Variants in MYO1A observed in about 807,000 individuals in gnomAD.
MYO1A encodes the protein unconventional myosin-Ia.
A neutral mutation model predicts 138.5 loss-of-function variants in MYO1A; 127 were observed. The ratio of observed to expected loss-of-function variants is 0.92; its 90% CI spans 0.79 to 1.06. The LOEUF (loss-of-function observed/expected upper bound fraction) is 1.06. Among genes scored for constraint, MYO1A ranks in the 50% least tolerant of loss-of-function variants. The pLI is 0.00. For missense variants in MYO1A, 1,211 were observed against 1,288.8 expected, an observed-to-expected ratio of 0.94 and a Z score of 0.92; for synonymous variants, 477 against 497.5, an observed-to-expected ratio of 0.96 and a Z score of 0.55.
At chr12:57,037,473 T>C (rs2030612298) in intron 19 of MYO1A, 75 bp downstream of exon 19, 11 of 1,276,064 alleles carry the variant, frequency 8.6e-6, no homozygotes, top group South Asian at 1.2e-5. Context: ...ACACGCTCCC[T>C]CCCCCTCCAG....
upstream of MYO1A, chr12:57,051,107 T>G (rs2031318446): frequency 6.6e-6 from 1 of 152,254 alleles, no homozygotes; most frequent in Non-Finnish European, 1.5e-5. Context: ...CTCCCAGGCA[T>G]GCAGAAAGAA....
In MYO1A at chr12:57,028,805, G is replaced by A. The variant is rs2030105885; in HGVS notation, c.3082C>T (p.Leu1028=). ...TGACTCCCCTTTTTTTTGTAGCGTA[G>A]CTTGCTGTTGTCACCACCTGCAGGG... ...QGPAGGDNSK[L]RYKKKGSHCL... is the part of the protein sequence containing the mutation. The change falls in exon 28 of 28, where the codon CTA becomes TTA. Residue 1028 remains leucine, a synonymous_variant. Transcript: ENST00000300119. 1.9e-6 allele frequency: 3 copies of A among 1,613,948 alleles called. No individual in the cohort carries two copies. The highest frequency in any genetic ancestry group is 1.7e-6 in the Non-Finnish European group (2 of 1,179,942).
intron 21 of MYO1A, 144 bp downstream of exon 21, chr12:57,036,628 C>T (rs1592473656): frequency 9.1e-7 from 1 of 1,095,008 alleles, no homozygotes. Flanking sequence ...CTCTCACTCC[C>T]AGACACCCAC....
At chr12:57,038,729 C>T in intron 16 of MYO1A, 80 bp downstream of exon 16, 1 of 1,609,206 alleles carries the variant, frequency 6.2e-7, no homozygotes, top group Non-Finnish European at 8.5e-7. Context: ...TCCAGACTCT[C>T]ACCTTCCCCG....
At chr12:57,041,092 G>A (rs2030835476) in intron 14 of MYO1A, 92 bp downstream of exon 14, 6 of 918,304 alleles carry the variant, frequency 6.5e-6, no homozygotes, top group East Asian at 4.8e-5. Context: ...ATCTGGGGAC[G>A]ATGTAGAGGA....
intron 22 of MYO1A, among the ~76,000 whole-genome samples, chr12:57,035,761 T>C (rs1037422231): frequency 1.3e-5 from 2 of 152,230 alleles, no homozygotes; most frequent in African/African-American, 4.8e-5. Context: ...TTTGAATATG[T>C]AGGCCTTCCA....
rs556978717 is a variant in MYO1A at position 57,042,946 on chromosome 12, A to G, written c.1098+126T>C. 5 of 867,246 alleles carry G rather than the reference A, an allele frequency of 5.8e-6. No homozygotes were observed. The South Asian group carries it at 7.0e-5, about 12-fold the overall frequency. The allele number at this position is 867,246 out of a possible 1,614,324, so 53.7% of individuals were successfully genotyped here. A position where few individuals can be genotyped will look rare whatever the true frequency, so the allele number is the denominator to read the frequency against. ...GTTTCCATGACAACACACTGTTAGA[A>G]GGAACTGTACCCTCCCCATCATCCT... On this transcript the variant is annotated intron_variant, in intron 12 of 27. Transcript: ENST00000300119.
intron 14 of MYO1A, among the ~76,000 whole-genome samples, chr12:57,039,751 C>G (rs2030773485): frequency 6.6e-6 from 1 of 152,186 alleles, no homozygotes; most frequent in Non-Finnish European, 1.5e-5. Flanking sequence ...GAGTGTGCAG[C>G]ACAACCACCT....
rs1178955692 is a variant in MYO1A at position 57,043,219 on chromosome 12, C to A, written c.1011+21G>T. 1.9e-6 allele frequency: 3 copies of A among 1,613,686 alleles called. No homozygotes were observed. The African/African-American group carries it at 4.0e-5, about 22-fold the overall frequency. ...CAGAACAGGGTCGAAACAGCCCCCT[C>A]CACTCCAGTGAGCTCCTTACCTGCA... On this transcript the variant is annotated intron_variant, in intron 11 of 27. Coordinates refer to ENST00000300119, the MANE Select transcript of MYO1A (RefSeq NM_005379.4).
At chr12:57,050,790 A>G (rs17119390), upstream of MYO1A, 13,750 of 152,208 alleles carry the variant, frequency 0.09, 656 homozygotes, top group East Asian at 0.18. Flanking sequence ...CACCACCCCG[A>G]GGAAGGCAAT....
upstream of MYO1A, chr12:57,050,675 C>T (rs1430992345): frequency 6.6e-6 from 1 of 152,138 alleles, no homozygotes; most frequent in Non-Finnish European, 1.5e-5. Flanking sequence ...TGAATCAGAC[C>T]CTATCATAGA....
intron 10 of MYO1A, 96 bp downstream of exon 10, chr12:57,043,760 G>T: frequency 1.3e-6 from 2 of 1,533,504 alleles, no homozygotes; most frequent in Non-Finnish European, 1.8e-6. Context: ...GACTGCATCA[G>T]GGTGAGATCA....
chr12:57,047,001 A>G, intron 6 of MYO1A, 60 bp downstream of exon 6: 2 of 1,611,074 alleles, frequency 1.2e-6, no homozygotes, highest in South Asian at 1.1e-5. Flanking sequence ...GGTCTGTGCC[A>G]CATTCCTCCC....
chr12:57,036,736 A>G lies in MYO1A; in HGVS notation c.2274+36T>C, dbSNP rs372794654. On this transcript the variant is annotated intron_variant, in intron 21 of 27. Transcript: ENST00000300119. Reference sequence around the variant, plus strand: ...CAGCAGGTGACACAATCCAGGAGAAACAATGTGAGGAAACCTCTCTTCCAC... The same window carrying G: ...CAGCAGGTGACACAATCCAGGAGAAGCAATGTGAGGAAACCTCTCTTCCAC... The G allele has an allele frequency of 1.8e-5, 29 of 1,610,540 alleles. No individual in the cohort carries two copies. The African/African-American group carries it at 3.9e-4, about 22-fold the overall frequency.
In MYO1A at chr12:57,043,996, A is replaced by G. The variant is rs1018282434; in HGVS notation, c.752T>C (p.Met251Thr). The change falls in exon 10 of 28, where the codon ATG becomes ACG. Residue 251 changes from methionine (M) to threonine (T), a missense_variant. By Grantham distance (81) the Met-to-Thr change is moderately conservative (BLOSUM62 -1). Coordinates refer to ENST00000300119, the MANE Select transcript of MYO1A (RefSeq NM_005379.4). ...CTCCTCCGAGAACCCAATCACTGCC[A>G]TTGCACTCTTAGGCAGAAAGCAGAA... ...ASSFRAVQSA[M>T]AVIGFSEEEI... is the part of the protein sequence containing the mutation. 5.0e-6 allele frequency: 8 copies of G among 1,614,138 alleles called. No homozygotes were observed. The highest frequency in any genetic ancestry group is 5.9e-6 in the Non-Finnish European group (7 of 1,180,014).
intron 13 of MYO1A, 39 bp downstream of exon 13, chr12:57,041,393 A>C: frequency 1.9e-6 from 3 of 1,602,054 alleles, no homozygotes; most frequent in Non-Finnish European, 2.6e-6. Context: ...TCCACCTCTA[A>C]TCCTAGGGGA....
At chr12:57,045,694 G>C (rs1015476968) in intron 8 of MYO1A, among the ~76,000 whole-genome samples, 8 of 152,126 alleles carry the variant, frequency 5.3e-5, no homozygotes, top group Non-Finnish European at 1.0e-4. Context: ...AGACACCCAC[G>C]GTGCTCACAG....
rs2030096101 is a variant in MYO1A at position 57,028,687 on chromosome 12, G to A, written c.*68C>T. ...GAGGGGTTAGAGATCCTCCCACACA[G>A]GAGGGCAGAGGGGGATTAGTGCTGG... On this transcript the variant is annotated 3_prime_UTR_variant, in exon 28 of 28. Transcript: ENST00000300119. 1.3e-6 allele frequency: 2 copies of A among 1,598,870 alleles called. No homozygotes were observed. The highest frequency in any genetic ancestry group is 8.5e-7 in the Non-Finnish European group (1 of 1,171,100).
At position 57,048,332 on chromosome 12, in the gene MYO1A, G is replaced by A. The variant is rs1458282638; in HGVS notation, c.-9C>T. 6.3e-7 allele frequency: 1 copy of A among 1,599,088 alleles called. No individual in the cohort carries two copies. ...CCTTCCAGGAGAGGCATGTCCAGAG[G>A]GGCCACTGATCCTGGGAATAAGAGG... On this transcript the variant is annotated 5_prime_UTR_variant, in exon 2 of 28. Transcript: ENST00000300119.
Sources: allele counts gnomAD v4.1 joint callset (sites outside exome capture counted in the v4.1 genomes callset), GRCh38; gene constraint gnomAD v4.1.1; transcripts MANE v1.5; gene names NCBI Gene and HGNC (gene_info 2026-07-23, HGNC 2026-07-21).